EXOC6B: variants seen among roughly 807,000 people sequenced by gnomAD.
EXOC6B encodes the protein SEC15 homolog B.
A neutral mutation model predicts 113.5 loss-of-function variants in EXOC6B; 54 were observed. That is an observed-to-expected ratio of 0.48 (90% CI 0.38 to 0.60). The LOEUF is 0.60. EXOC6B is among the 20% of genes least tolerant of loss of function. The pLI, the probability that EXOC6B is intolerant of heterozygous loss-of-function variation, is 0.00. For synonymous variants in EXOC6B, 357 were observed against 339.0 expected, an observed-to-expected ratio of 1.05 and a Z score of -0.58; for missense variants, 797 against 977.5, an observed-to-expected ratio of 0.82 and a Z score of 2.46.
At chr2:72,287,341 G>T (rs1685498780) in intron 20 of EXOC6B, among the ~76,000 whole-genome samples, 2 of 150,950 alleles carry the variant, frequency 1.3e-5, no homozygotes, top group African/African-American at 4.9e-5. Context: ...TGAGGCAGGA[G>T]AATGGCGTGA....
intron 19 of EXOC6B, among the ~76,000 whole-genome samples, chr2:72,357,852 A>G (rs1225467916): frequency 1.3e-5 from 2 of 152,182 alleles, no homozygotes; most frequent in Non-Finnish European, 2.9e-5. Flanking sequence ...ACTATTATAC[A>G]TGCTGTACAG....
chr2:72,721,266 G>A (rs929174047), intron 5 of EXOC6B, among the ~76,000 whole-genome samples: 11 of 149,904 alleles, frequency 7.3e-5, no homozygotes, highest in Non-Finnish European at 1.2e-4. Context: ...GAGACGGAGG[G>A]TGCAGTGAGC....
chr2:72,679,697 GA>G (rs1676553113), intron 6 of EXOC6B, among the ~76,000 whole-genome samples: 1 of 152,128 alleles, frequency 6.6e-6, no homozygotes, highest in South Asian at 2.1e-4. Context: ...ATTCTCCGAA[GA>G]AAACAGAAAA....
intron 1 of EXOC6B, among the ~76,000 whole-genome samples, chr2:72,775,482 TTTA>T (rs1373246609): frequency 6.6e-6 from 1 of 152,194 alleles, no homozygotes; most frequent in Non-Finnish European, 1.5e-5. Context: ...CCAAATGCAA[TTTA>T]TTATTATGCC....
At chr2:72,230,689 C>A (rs1349998301) in intron 20 of EXOC6B, among the ~76,000 whole-genome samples, 2 of 152,114 alleles carry the variant, frequency 1.3e-5, no homozygotes, top group Non-Finnish European at 2.9e-5. Context: ...ATAAGATTTA[C>A]ATATAGGATA....
chr2:72,782,171 G>T (rs967798298), intron 1 of EXOC6B, among the ~76,000 whole-genome samples: 2 of 147,874 alleles, frequency 1.4e-5, no homozygotes, highest in African/African-American at 2.5e-5. Context: ...GAAAAGAAAA[G>T]AAATATTGAG....
At chr2:72,284,290 T>G (rs958136860) in intron 20 of EXOC6B, among the ~76,000 whole-genome samples, 3 of 152,160 alleles carry the variant, frequency 2.0e-5, no homozygotes, top group African/African-American at 7.2e-5. Context: ...CTAAGTGGGA[T>G]TTATCCCAGG....
intron 8 of EXOC6B, among the ~76,000 whole-genome samples, chr2:72,529,834 C>A (rs1215919212): frequency 6.6e-6 from 1 of 152,142 alleles, no homozygotes; most frequent in African/African-American, 2.4e-5. Flanking sequence ...TTATCCATTT[C>A]ATATTGGGTG....
chr2:72,612,014 G>C (rs549499503), intron 6 of EXOC6B, among the ~76,000 whole-genome samples: 1 of 152,120 alleles, frequency 6.6e-6, no homozygotes, highest in Non-Finnish European at 1.5e-5. Flanking sequence ...CAGGCGTGGT[G>C]GCCCACGCCT....
chr2:72,646,229 CAAGACTAAACCAGG>C (rs1426305696), intron 6 of EXOC6B, among the ~76,000 whole-genome samples: 1 of 151,990 alleles, frequency 6.6e-6, no homozygotes, highest in Non-Finnish European at 1.5e-5. Context: ...TACACACTCC[CAAGACTAAACCAGG>C]AAGAAGTTGA....
intron 2 of EXOC6B, among the ~76,000 whole-genome samples, chr2:72,733,913 A>C (rs1280317145): frequency 6.6e-6 from 1 of 152,164 alleles, no homozygotes; most frequent in African/African-American, 2.4e-5. Context: ...CCCCTAACCT[A>C]GCATTTCCTA....
intron 11 of EXOC6B, among the ~76,000 whole-genome samples, chr2:72,506,277 A>G (rs1416206807): frequency 6.6e-6 from 1 of 152,178 alleles, no homozygotes; most frequent in Non-Finnish European, 1.5e-5. Context: ...AATTGAAGAT[A>G]AAACTGCCTA....
chr2:72,727,631 G>A (rs568542385), intron 5 of EXOC6B, among the ~76,000 whole-genome samples: 1 of 152,280 alleles, frequency 6.6e-6, no homozygotes, highest in African/African-American at 2.4e-5. Flanking sequence ...GTCTTTATCT[G>A]TAGGAACCAC....
At chr2:72,773,584 C>T (rs1174720075) in intron 1 of EXOC6B, among the ~76,000 whole-genome samples, 1 of 150,904 alleles carries the variant, frequency 6.6e-6, no homozygotes, top group Non-Finnish European at 1.5e-5. Context: ...AAAATTATAC[C>T]TCAAGAAAGT....
In EXOC6B at chr2:72,417,589, TTC is replaced by T. The variant is rs561158197; in HGVS notation, c.1981-37721_1981-37720del. 8.5e-5 allele frequency among the ~76,000 whole-genome samples: 13 copies of T among 152,352 alleles called. 1 individual carries two copies. In the South Asian group the frequency reaches 2.5e-3, roughly 29 times the overall value. The stretch of plus-strand genomic sequence containing the variant: ...GTTATATAAAATAAATATTTTCCTA[TTC>T]TGTTATTAGTTATCCAGCATACTCT... On this transcript the variant is annotated intron_variant, in intron 18 of 21. Coordinates refer to ENST00000272427, the MANE Select transcript of EXOC6B (RefSeq NM_015189.3).
intron 1 of EXOC6B, 24 bp from the exon 2 acceptor site, chr2:72,741,493 A>G: frequency 6.3e-7 from 1 of 1,591,392 alleles, no homozygotes; most frequent in Non-Finnish European, 8.5e-7. Context: ...TGGCACGAAG[A>G]TTATACCATG....
At chr2:72,349,457 C>T (rs1170828411) in intron 19 of EXOC6B, among the ~76,000 whole-genome samples, 1 of 152,170 alleles carries the variant, frequency 6.6e-6, no homozygotes, top group Non-Finnish European at 1.5e-5. Context: ...AGCCCCATCC[C>T]TGACCTCCAG....
chr2:72,765,323 C>T lies in EXOC6B; in HGVS notation c.114-23854G>A, dbSNP rs755732240. On this transcript the variant is annotated intron_variant, in intron 1 of 21. Transcript: ENST00000272427. ...TAAAATAAAAATAAATAAATGAATA[C>T]CTCTCCAGGTCTTCTGCATACCTGT... Among the ~76,000 whole-genome samples the T allele has an allele frequency of 4.1e-4, 63 of 152,050 alleles. 1 individual carries two copies. The highest frequency in any genetic ancestry group is 7.4e-4 in the Non-Finnish European group (50 of 67,996).
At position 72,483,051 on chromosome 2, in the gene EXOC6B, G is replaced by A. The variant is rs572684786; in HGVS notation, c.1666-2301C>T. Reference sequence around the variant, plus strand: ...CAGAAATTTTGAGTTTTGAACACAAGACTACTACGTCCTATAAAATTACCA... The same window carrying A: ...CAGAAATTTTGAGTTTTGAACACAAAACTACTACGTCCTATAAAATTACCA... On this transcript the variant is annotated intron_variant, in intron 16 of 21. Coordinates refer to ENST00000272427, the MANE Select transcript of EXOC6B (RefSeq NM_015189.3). 9.2e-5 allele frequency among the ~76,000 whole-genome samples: 14 copies of A among 152,228 alleles called. 1 individual carries two copies. In the South Asian group the frequency reaches 2.9e-3, roughly 32 times the overall value.
Sources: allele counts gnomAD v4.1 joint callset (sites outside exome capture counted in the v4.1 genomes callset), GRCh38; gene constraint gnomAD v4.1.1; transcripts MANE v1.5; gene names NCBI Gene and HGNC (gene_info 2026-07-23, HGNC 2026-07-21).